Variants in KTN1 observed in about 807,000 individuals in gnomAD.
KTN1 encodes kinectin.
A neutral mutation model predicts 222.5 loss-of-function variants in KTN1; 130 were observed. That is an observed-to-expected ratio of 0.58 (90% CI 0.51 to 0.68). The LOEUF (loss-of-function observed/expected upper bound fraction) is 0.68. Ranked by LOEUF, KTN1 falls within the 30% of genes least tolerant of loss-of-function variation. The pLI is 0.00. For synonymous variants in KTN1, 512 were observed against 496.3 expected (o/e 1.03, Z -0.42); for missense variants, 1,508 against 1,500.4 (o/e 1.01, Z -0.08).
At chr14:55,590,888 C>A (rs1167639184) in intron 1 of KTN1, among the ~76,000 whole-genome samples, 2 of 152,036 alleles carry the variant, frequency 1.3e-5, no homozygotes, top group South Asian at 2.1e-4. Flanking sequence ...GTTGGCAAGG[C>A]TGGTCTCGAT....
At chr14:55,596,510 T>A (rs2035065091) in intron 1 of KTN1, among the ~76,000 whole-genome samples, 1 of 152,206 alleles carries the variant, frequency 6.6e-6, no homozygotes, top group Non-Finnish European at 1.5e-5. Context: ...AGCCTCTACT[T>A]GTGGCTATAT....
rs34854168 is a variant in KTN1 at position 55,649,994 on chromosome 14, TAA to T, written c.2405+193_2405+194del. On this transcript the variant is annotated intron_variant, in intron 22 of 43. Coordinates refer to ENST00000395314, the MANE Select transcript of KTN1 (RefSeq NM_001079521.2). ...TGTGCTTTCCCAAATTCAGTATAAT[TAA>T]AAAAAAAAAAACAAAAAAAAACTAT... Among the ~76,000 whole-genome samples the T allele has an allele frequency of 1.1e-3, 159 of 141,658 alleles. 1 individual carries two copies. In the East Asian group the frequency reaches 0.012, roughly 10 times the overall value. The allele number at this position is 141,658 out of a possible 152,430, so 92.9% of individuals were successfully genotyped here. A position where few individuals can be genotyped will look rare whatever the true frequency, so the allele number is the denominator to read the frequency against.
chr14:55,633,629 A>G (rs2040779114), intron 8 of KTN1, among the ~76,000 whole-genome samples: 1 of 151,904 alleles, frequency 6.6e-6, no homozygotes, highest in Non-Finnish European at 1.5e-5. Flanking sequence ...TATATTGTAT[A>G]TAAACTATGT....
chr14:55,678,383 A>C lies in KTN1; in HGVS notation c.3887A>C (p.Lys1296Thr), dbSNP rs1259784702. The C allele has an allele frequency of 6.2e-7, 1 of 1,612,434 alleles. No individual in the cohort carries two copies. The highest frequency in any genetic ancestry group is 8.5e-7 in the Non-Finnish European group (1 of 1,178,516). Residue 1296 changes from lysine (K) to threonine (T), a missense_variant, in exon 42 of 44, where the codon AAA becomes ACA. Coordinates refer to ENST00000395314, the MANE Select transcript of KTN1 (RefSeq NM_001079521.2). ...AQQSLELIQSKIVKAAGDTTV... is the reference protein window; with the variant it reads ...AQQSLELIQSTIVKAAGDTTV... ...CAGTCACTGGAGCTTATCCAGTCAA[A>C]AATAGTAAAAGCTGCTGGAGACACT...
intron 40 of KTN1, chr14:55,674,520 C>A (rs2045728385): frequency 6.6e-6 from 1 of 152,148 alleles, no homozygotes; most frequent in Non-Finnish European, 1.5e-5. Flanking sequence ...TAACTGAACT[C>A]ATTCACCCTG....
At chr14:55,639,320 C>T (rs2041510458) in intron 13 of KTN1, 98 bp downstream of exon 13, 9 of 752,006 alleles carry the variant, frequency 1.2e-5, no homozygotes, top group South Asian at 2.2e-5. Flanking sequence ...CTCTGACGAC[C>T]TGTTCAGAAA....
chr14:55,672,606 C>G, intron 37 of KTN1, 24 bp from the exon 38 acceptor site: 1 of 1,488,150 alleles, frequency 6.7e-7, no homozygotes, highest in Non-Finnish European at 9.4e-7. Context: ...TTTTACTTGG[C>G]CATGTAATTG....
At chr14:55,629,439 AAG>A (rs1485720566) in intron 6 of KTN1, among the ~76,000 whole-genome samples, 1 of 151,398 alleles carries the variant, frequency 6.6e-6, no homozygotes, top group Non-Finnish European at 1.5e-5. Flanking sequence ...AAAAAAAAAA[AAG>A]ATTTGACTTA....
chr14:55,587,924 T>C (rs10147688), intron 1 of KTN1, among the ~76,000 whole-genome samples: 12,821 of 152,222 alleles, frequency 0.084, 580 homozygotes, highest in South Asian at 0.12. Flanking sequence ...TTTTTTTCTT[T>C]TAGTCTAAAT....
chr14:55,614,111 C>T (rs185294053), intron 2 of KTN1, among the ~76,000 whole-genome samples: 1 of 152,224 alleles, frequency 6.6e-6, no homozygotes, highest in Non-Finnish European at 1.5e-5. Flanking sequence ...TGGTAGGGAA[C>T]AGAGCTGAAA....
chr14:55,644,562 T>A, intron 18 of KTN1: 1 of 57,324 alleles, frequency 1.7e-5, no homozygotes, highest in African/African-American at 5.5e-5. Context: ...GAATAAGACT[T>A]TTTTTTTTTT....
At chr14:55,679,413 CTA>C (rs1276710724) in intron 42 of KTN1, 150 bp from the exon 43 acceptor site, 2 of 637,400 alleles carry the variant, frequency 3.1e-6, no homozygotes, top group South Asian at 2.3e-5. Context: ...CAGTATTTCT[CTA>C]TGTGGTTTTT....
chr14:55,584,082 CACA>C (rs1328732239), intron 1 of KTN1, among the ~76,000 whole-genome samples: 2 of 152,200 alleles, frequency 1.3e-5, no homozygotes, highest in African/African-American at 4.8e-5. Context: ...GTCTTTCCAA[CACA>C]ACAACTGGAT....
chr14:55,595,287 T>TA (rs2140404370), intron 1 of KTN1, among the ~76,000 whole-genome samples: 1 of 152,354 alleles, frequency 6.6e-6, no homozygotes, highest in Admixed American at 6.5e-5. Context: ...AAACAGTCAC[T>TA]AATACCAAAA....
intron 12 of KTN1, among the ~76,000 whole-genome samples, 187 bp from the exon 13 acceptor site, chr14:55,638,998 C>T (rs2041457180): frequency 6.6e-6 from 1 of 151,706 alleles, no homozygotes; most frequent in Non-Finnish European, 1.5e-5. Flanking sequence ...TGACTACTGG[C>T]TGTTGGTGAT....
At chr14:55,651,835 TA>T in intron 24 of KTN1, 54 bp from the exon 25 acceptor site, 1 of 1,151,592 alleles carries the variant, frequency 8.7e-7, no homozygotes, top group Non-Finnish European at 1.3e-6. Context: ...TTATAAAGCT[TA>T]ATAAGTTAAA....
At chr14:55,636,254 G>T (rs10145447) in intron 9 of KTN1, among the ~76,000 whole-genome samples, 195 bp from the exon 10 acceptor site, 495 of 152,306 alleles carry the variant, frequency 3.3e-3, no homozygotes, top group African/African-American at 0.011. Flanking sequence ...TGGAGGATAG[G>T]ATGGCTATGG....
chr14:55,583,777 C>T lies in KTN1; in HGVS notation c.-31+3423C>T, dbSNP rs140150148. ...CCACATGTGCTGTTAGGCCTATCCA[C>T]TTGGATGTGCAGTAGTCAACTCCAA... On this transcript the variant is annotated intron_variant, in intron 1 of 43. Coordinates refer to ENST00000395314, the MANE Select transcript of KTN1 (RefSeq NM_001079521.2). Among the ~76,000 whole-genome samples the T allele has an allele frequency of 1.7e-3, 255 of 152,306 alleles. 3 individuals are homozygous for T. In the Middle Eastern group the frequency reaches 0.027, roughly 16 times the overall value.
At chr14:55,671,460 A>T in intron 35 of KTN1, 106 bp from the exon 36 acceptor site, 1 of 723,636 alleles carries the variant, frequency 1.4e-6, no homozygotes, top group South Asian at 2.0e-5. Flanking sequence ...CTTATAAAAC[A>T]CTTTGAAACC....
Sources: gnomAD v4.1 joint callset for allele counts (sites outside exome capture counted in the v4.1 genomes callset) on GRCh38, gnomAD v4.1.1 for gene constraint, MANE v1.5 for transcripts, NCBI Gene and HGNC (gene_info 2026-07-23, HGNC 2026-07-21) for gene names.